Variants in PCBP3 observed in about 807,000 individuals in gnomAD.
The protein encoded by PCBP3 is poly(rC)-binding protein 3.
A neutral mutation model predicts 52.7 loss-of-function variants in PCBP3; 25 were observed. The observed-to-expected ratio is 0.47, with a 90% confidence interval of 0.35 to 0.66. PCBP3 has a LOEUF of 0.66. PCBP3 is among the 30% of genes least tolerant of loss of function. PCBP3 has a pLI of 0.01. For missense variants in PCBP3, 391 were observed against 490.3 expected (o/e 0.80, Z 1.91); for synonymous variants, 162 against 183.0 (o/e 0.89, Z 0.93).
At chr21:45,936,941 T>C (rs1449093696) in intron 16 of PCBP3, among the ~76,000 whole-genome samples, 3 of 152,134 alleles carry the variant, frequency 2.0e-5, no homozygotes, top group Non-Finnish European at 4.4e-5. Context: ...CTTATCCCAG[T>C]GCCTTTGGGT....
intron 2 of PCBP3, among the ~76,000 whole-genome samples, chr21:45,674,373 T>C (rs1229128461): frequency 2.0e-5 from 3 of 152,204 alleles, no homozygotes; most frequent in Non-Finnish European, 4.4e-5. Context: ...ATATAAACTC[T>C]ATGTCTGGGG....
intron 5 of PCBP3, among the ~76,000 whole-genome samples, chr21:45,883,703 C>A (rs1465544721): frequency 6.6e-6 from 1 of 152,080 alleles, no homozygotes; most frequent in Non-Finnish European, 1.5e-5. Flanking sequence ...GCCATTCCTG[C>A]TTTCTTTTGA....
Position 45,836,680 on chromosome 21 carries a change from G to A in PCBP3, c.-125-13281G>A, listed in dbSNP as rs571457376. The stretch of plus-strand genomic sequence containing the variant: ...GCTAAGCGAGATGACCCATGCTGCC[G>A]TGGGTGCTTCCTCTTCTTTACCGTG... On this transcript the variant is annotated intron_variant, in intron 4 of 17. Coordinates refer to ENST00000681687, the MANE Select transcript of PCBP3 (RefSeq NM_001384156.1). Among the ~76,000 whole-genome samples the A allele has an allele frequency of 3.3e-5, 5 of 152,042 alleles. No homozygotes were observed. In the South Asian group the frequency reaches 6.2e-4, roughly 19 times the overall value.
intron 4 of PCBP3, among the ~76,000 whole-genome samples, chr21:45,812,516 C>T (rs1325933644): frequency 6.6e-6 from 1 of 152,180 alleles, no homozygotes; most frequent in Non-Finnish European, 1.5e-5. Flanking sequence ...AGCGATTCTC[C>T]TGCCTCAGCC....
At chr21:45,898,239 T>C (rs1049543141) in intron 6 of PCBP3, among the ~76,000 whole-genome samples, 6 of 152,156 alleles carry the variant, frequency 3.9e-5, no homozygotes, top group Admixed American at 3.9e-4. Flanking sequence ...GGTGCCATGA[T>C]TGACGGGGGC....
intron 2 of PCBP3, among the ~76,000 whole-genome samples, chr21:45,686,364 G>A (rs2082153144): frequency 6.6e-6 from 1 of 152,158 alleles, no homozygotes. Context: ...TAAATTAGCT[G>A]TAGAGTAAAA....
At chr21:45,844,168 T>C (rs545263374) in intron 4 of PCBP3, among the ~76,000 whole-genome samples, 5 of 152,186 alleles carry the variant, frequency 3.3e-5, no homozygotes, top group South Asian at 2.1e-4. Context: ...TTGTTTTTCA[T>C]TGGGCTGGTC....
At chr21:45,649,656 C>G (rs1020473577) in intron 1 of PCBP3, among the ~76,000 whole-genome samples, 8 of 152,082 alleles carry the variant, frequency 5.3e-5, no homozygotes, top group African/African-American at 1.9e-4. Context: ...GTTCTTAAAT[C>G]TTTTATTGAT....
In PCBP3 at chr21:45,899,695, G is replaced by T. The variant is rs574154774; in HGVS notation, c.189+73G>T. On this transcript the variant is annotated intron_variant, in intron 7 of 17. Transcript: ENST00000681687. The stretch of plus-strand genomic sequence containing the variant: ...ATGGTGAGGATGGCAGCCTCCCTGG[G>T]TACTAGGTGGCACCCAGTAGGTGCG... 5.6e-5 allele frequency: 65 copies of T among 1,158,170 alleles called. No homozygotes were observed. The African/African-American group carries it at 7.6e-4, about 14-fold the overall frequency. 71.7% of individuals were successfully genotyped at this position (1,158,170 alleles called of 1,614,324 possible). A position where few individuals can be genotyped will look rare whatever the true frequency, so the allele number is the denominator to read the frequency against.
chr21:45,658,675 G>C (rs1376782720), intron 1 of PCBP3, among the ~76,000 whole-genome samples: 1 of 152,102 alleles, frequency 6.6e-6, no homozygotes, highest in Non-Finnish European at 1.5e-5. Flanking sequence ...TCTTTGTCTG[G>C]TTTTGGTATT....
intron 3 of PCBP3, chr21:45,751,116 G>C (rs1418504598): frequency 6.6e-6 from 1 of 152,030 alleles, no homozygotes; most frequent in African/African-American, 2.4e-5. Flanking sequence ...CGGTGGGAGG[G>C]TTTGCACATG....
chr21:45,688,016 C>T (rs746920498), intron 2 of PCBP3, among the ~76,000 whole-genome samples: 24 of 152,088 alleles, frequency 1.6e-4, no homozygotes, highest in Non-Finnish European at 3.2e-4. Context: ...CAGGCATGAG[C>T]CACCGTGCCT....
intron 4 of PCBP3, among the ~76,000 whole-genome samples, chr21:45,835,193 G>A (rs1290791516): frequency 6.6e-6 from 1 of 152,176 alleles, no homozygotes; most frequent in Non-Finnish European, 1.5e-5. Flanking sequence ...AATAGCCCAC[G>A]TCTGCCCTGG....
At chr21:45,711,156 C>G (rs2083806456) in intron 2 of PCBP3, among the ~76,000 whole-genome samples, 1 of 152,178 alleles carries the variant, frequency 6.6e-6, no homozygotes, top group Non-Finnish European at 1.5e-5. Flanking sequence ...AAACCAATAT[C>G]TAGGTGCTGA....
intron 4 of PCBP3, chr21:45,760,369 C>T (rs1349867218): frequency 6.6e-6 from 1 of 152,134 alleles, no homozygotes; most frequent in Non-Finnish European, 1.5e-5. Flanking sequence ...GGACCTATTT[C>T]AGGAGGAGAG....
At chr21:45,912,808 C>T (rs2096425013) in intron 11 of PCBP3, among the ~76,000 whole-genome samples, 1 of 152,186 alleles carries the variant, frequency 6.6e-6, no homozygotes, top group Non-Finnish European at 1.5e-5. Context: ...CTACCTCAGT[C>T]AGTTCCTCCC....
intron 5 of PCBP3, chr21:45,893,635 C>T (rs2095745239): frequency 3.3e-5 from 21 of 639,526 alleles, no homozygotes; most frequent in Non-Finnish European, 3.7e-5. Flanking sequence ...TGGGTGGGGA[C>T]CCAGGCCCTC....
intron 16 of PCBP3, 51 bp from the exon 17 acceptor site, chr21:45,939,979 A>C: frequency 6.4e-7 from 1 of 1,552,758 alleles, no homozygotes; most frequent in Non-Finnish European, 8.8e-7. Flanking sequence ...CACAGTCTTC[A>C]GGGGCTGGCT....
chr21:45,821,300 A>G lies in PCBP3; in HGVS notation c.-125-28661A>G, dbSNP rs1451485320. On this transcript the variant is annotated intron_variant, in intron 4 of 17. Transcript: ENST00000681687. This position sits in a 1 kb window ranked among gnomAD's most constrained non-coding sequence, Gnocchi z 4.4. ...AGTGACTCCTGGGTCACACTGGCCC[A>G]GCACACACTGAGCTCCAGCCTGATG... 6.6e-6 allele frequency among the ~76,000 whole-genome samples: 1 copy of G among 151,990 alleles called. No individual in the cohort carries two copies. Among genetic ancestry groups the G allele is most frequent in the Non-Finnish European group, 1.5e-5 (1 of 68,012 alleles).
Sources: allele counts gnomAD v4.1 joint callset (sites outside exome capture counted in the v4.1 genomes callset), GRCh38; gene constraint gnomAD v4.1.1; non-coding constraint Gnocchi (gnomAD v3.1); transcripts MANE v1.5; gene names NCBI Gene and HGNC (gene_info 2026-07-23, HGNC 2026-07-21).